Variants in LIMA1 observed in about 807,000 individuals in gnomAD.
The protein encoded by LIMA1 is LIM domain and actin binding 1, also known as LIM domain and actin-binding protein 1.
LIMA1 carries 52 observed loss-of-function variants against 62.6 expected under a neutral mutation model. The ratio of observed to expected loss-of-function variants is 0.83; its 90% CI spans 0.67 to 1.05. LIMA1 has a LOEUF of 1.05. Ranked by LOEUF, LIMA1 falls within the 50% of genes least tolerant of loss-of-function variation. LIMA1 has a pLI of 0.00. For synonymous variants in LIMA1, 302 were observed against 317.8 expected, an observed-to-expected ratio of 0.95 and a Z score of 0.53; for missense variants, 780 against 902.2, an observed-to-expected ratio of 0.86 and a Z score of 1.74.
chr12:50,236,630 G>C lies in LIMA1; in HGVS notation c.120-4920C>G, dbSNP rs1431912198. Among the ~76,000 whole-genome samples the C allele has an allele frequency of 3.5e-5, 5 of 143,324 alleles. No individual in the cohort carries two copies. In the South Asian group the frequency reaches 1.2e-3, roughly 33 times the overall value. 94.0% of individuals were successfully genotyped at this position (143,324 alleles called of 152,430 possible). A position where few individuals can be genotyped will look rare whatever the true frequency, so the allele number is the denominator to read the frequency against. ...GATTTTCTTAAAAAGCTAATATGCA[G>C]GGGGTTCCCTTTCTCGGCTTGGAGT... On this transcript the variant is annotated intron_variant, in intron 2 of 10. Transcript: ENST00000341247.
At chr12:50,282,135 C>T (rs1434370959) in intron 1 of LIMA1, among the ~76,000 whole-genome samples, 1 of 152,110 alleles carries the variant, frequency 6.6e-6, no homozygotes, top group African/African-American at 2.4e-5. Context: ...CACGCCAACT[C>T]TATAATTTTT....
At chr12:50,240,050 AC>A (rs1565854667) in intron 2 of LIMA1, among the ~76,000 whole-genome samples, 4,217 of 149,266 alleles carry the variant, frequency 0.028, 130 homozygotes, top group East Asian at 0.11. Context: ...ACATAACATA[AC>A]ATAACATAAA....
chr12:50,253,722 C>G (rs954665769), intron 1 of LIMA1, among the ~76,000 whole-genome samples: 10 of 152,106 alleles, frequency 6.6e-5, no homozygotes, highest in Admixed American at 6.6e-4. Flanking sequence ...TTTCATTGGC[C>G]TGCATTAAAG....
intron 1 of LIMA1, among the ~76,000 whole-genome samples, chr12:50,263,250 A>G (rs777176216): frequency 3.9e-5 from 6 of 152,248 alleles, no homozygotes; most frequent in Non-Finnish European, 5.9e-5. Flanking sequence ...AAGGGCAACT[A>G]TAATTTACTG....
At chr12:50,234,060 T>G in intron 2 of LIMA1, 1 of 443,942 alleles carries the variant, frequency 2.3e-6, no homozygotes, top group Admixed American at 3.0e-5. Context: ...TTTTATCATT[T>G]TGTCATTTTT....
At chr12:50,240,734 A>C (rs1241348775) in intron 2 of LIMA1, among the ~76,000 whole-genome samples, 1 of 152,174 alleles carries the variant, frequency 6.6e-6, no homozygotes, top group East Asian at 1.9e-4. Context: ...GGAGCTCAGA[A>C]GAAAGCTCTG....
At chr12:50,226,903 C>A (rs1269359824) in intron 3 of LIMA1, among the ~76,000 whole-genome samples, 2 of 124,478 alleles carry the variant, frequency 1.6e-5, no homozygotes, top group Non-Finnish European at 3.1e-5. Flanking sequence ...TTTAGTAATT[C>A]TTTTTCTTTT....
At chr12:50,266,035 G>T (rs1942134988) in intron 1 of LIMA1, among the ~76,000 whole-genome samples, 1 of 152,088 alleles carries the variant, frequency 6.6e-6, no homozygotes, top group Non-Finnish European at 1.5e-5. Flanking sequence ...GGCCAGGGAT[G>T]GGCCTGCTCC....
intron 6 of LIMA1, among the ~76,000 whole-genome samples, chr12:50,203,620 C>G (rs1225502710): frequency 6.6e-6 from 1 of 152,062 alleles, no homozygotes; most frequent in Non-Finnish European, 1.5e-5. Flanking sequence ...ACCACGTTAG[C>G]CAAGCTGGTC....
chr12:50,227,087 G>A (rs1445987439), intron 3 of LIMA1, among the ~76,000 whole-genome samples: 2 of 151,616 alleles, frequency 1.3e-5, no homozygotes, highest in African/African-American at 4.8e-5. Context: ...TACATAGATA[G>A]ATGTATACTG....
At chr12:50,256,208 C>T (rs897345946) in intron 1 of LIMA1, 1 of 151,844 alleles carries the variant, frequency 6.6e-6, no homozygotes, top group East Asian at 1.9e-4. Context: ...GTTAATAGTT[C>T]TTTAACCTTT....
intron 2 of LIMA1, among the ~76,000 whole-genome samples, chr12:50,239,634 T>C (rs1386953257): frequency 1.3e-5 from 2 of 151,656 alleles, no homozygotes; most frequent in Non-Finnish European, 2.9e-5. Context: ...AGCGAGACTC[T>C]GTCTCAAAAA....
In LIMA1 at chr12:50,177,980, C is replaced by A; in HGVS notation, c.1364G>T (p.Gly455Val). ...LFKSKGNYDE[G>V]FGHRPHKDLW... ...ATCCTTGTGTGGTCTGTGCCCAAAGCCTTCATCATAGTTGCCCTTAGATTT... is the reference window on the plus strand; with the variant it reads ...ATCCTTGTGTGGTCTGTGCCCAAAGACTTCATCATAGTTGCCCTTAGATTT... The change falls in exon 11 of 11, where the codon GGC (glycine) becomes GTC (valine). Residue 455 changes from glycine (G) to valine (V), a missense_variant. By Grantham distance (109) the Gly-to-Val change is moderately radical. Transcript: ENST00000341247. 2 of 1,606,348 alleles carry A rather than the reference C, an allele frequency of 1.2e-6. No homozygotes were observed. The highest frequency in any genetic ancestry group is 1.7e-6 in the Non-Finnish European group (2 of 1,177,870).
chr12:50,254,889 G>A (rs1269145974), intron 1 of LIMA1, among the ~76,000 whole-genome samples: 1 of 151,872 alleles, frequency 6.6e-6, no homozygotes, highest in South Asian at 2.1e-4. Context: ...GTAAAACCCT[G>A]TCTCTACTAA....
At chr12:50,194,453 C>T (rs555340651) in intron 8 of LIMA1, among the ~76,000 whole-genome samples, 317 of 152,022 alleles carry the variant, frequency 2.1e-3, no homozygotes, top group Non-Finnish European at 2.3e-3. Context: ...CCCACCACCA[C>T]GCCTGGCTAA....
intron 4 of LIMA1, among the ~76,000 whole-genome samples, chr12:50,216,652 G>C (rs1325129395): frequency 6.6e-6 from 1 of 151,948 alleles, no homozygotes; most frequent in Non-Finnish European, 1.5e-5. Flanking sequence ...CCTGAGGTCA[G>C]GAGTTCAAGA....
At chr12:50,222,751 C>T (rs1565847722) in intron 3 of LIMA1, 1 of 1,195,942 alleles carries the variant, frequency 8.4e-7, no homozygotes, top group East Asian at 3.5e-5. Flanking sequence ...AGAAGAAAGG[C>T]AAACCCAGCT....
At chr12:50,261,182 A>G (rs1942069305) in intron 1 of LIMA1, among the ~76,000 whole-genome samples, 1 of 148,752 alleles carries the variant, frequency 6.7e-6, no homozygotes, top group Non-Finnish European at 1.5e-5. Flanking sequence ...CCTCCCGAGT[A>G]GCTGGGACTA....
chr12:50,176,841 G>A lies in LIMA1; in HGVS notation c.*223C>T. 1 of 464,176 alleles carries A rather than the reference G, an allele frequency of 2.2e-6. No homozygotes were observed. Among genetic ancestry groups the A allele is most frequent in the Non-Finnish European group, 3.8e-6 (1 of 265,434 alleles). The allele number at this position is 464,176 out of a possible 1,614,324, so 28.8% of individuals were successfully genotyped here. A position where few individuals can be genotyped will look rare whatever the true frequency, so the allele number is the denominator to read the frequency against. The stretch of plus-strand genomic sequence containing the variant: ...TACAGCACTTATGCATATCATCACT[G>A]CTAAAATGAAGAATTTAAGTAAAGT... On this transcript the variant is annotated 3_prime_UTR_variant, in exon 11 of 11. Coordinates refer to ENST00000341247, the MANE Select transcript of LIMA1 (RefSeq NM_016357.5).
Sources: gnomAD v4.1 joint callset for allele counts (sites outside exome capture counted in the v4.1 genomes callset) on GRCh38, gnomAD v4.1.1 for gene constraint, MANE v1.5 for transcripts, NCBI Gene and HGNC (gene_info 2026-07-23, HGNC 2026-07-21) for gene names.